TGFBRAP1: variants seen among roughly 807,000 people sequenced by gnomAD.
TGFBRAP1 encodes transforming growth factor beta receptor associated protein 1, also known as transforming growth factor-beta receptor-associated protein 1.
A neutral mutation model predicts 83.2 loss-of-function variants in TGFBRAP1; 20 were observed. The ratio of observed to expected loss-of-function variants is 0.24; its 90% CI spans 0.17 to 0.35. The LOEUF (loss-of-function observed/expected upper bound fraction) is 0.35. Ranked by LOEUF, TGFBRAP1 falls within the 10% of genes least tolerant of loss-of-function variation. The pLI is 1.00. For missense variants in TGFBRAP1, 950 were observed against 1,099.4 expected (o/e 0.86, Z 1.92); for synonymous variants, 415 against 459.8 (o/e 0.90, Z 1.25).
chr2:105,303,943 A>G (rs1272528567), intron 2 of TGFBRAP1, among the ~76,000 whole-genome samples: 1 of 152,246 alleles, frequency 6.6e-6, no homozygotes, highest in East Asian at 1.9e-4. Flanking sequence ...AAAAGAGATG[A>G]AGCAGAAAAC....
Position 105,275,551 on chromosome 2 carries a change from A to G in TGFBRAP1, c.1665+9T>C, listed in dbSNP as rs748426129. On this transcript the variant is annotated intron_variant, in intron 8 of 11. Transcript: ENST00000393359. ...AACCAAAGAGAATGCATTTTTACGAAGCACAAACCTCTTCACTTTTCTGCA... is the reference window on the plus strand; with the variant it reads ...AACCAAAGAGAATGCATTTTTACGAGGCACAAACCTCTTCACTTTTCTGCA... The G allele has an allele frequency of 1.9e-6, 3 of 1,611,530 alleles. No homozygotes were observed. The highest frequency in any genetic ancestry group is 2.5e-6 in the Non-Finnish European group (3 of 1,179,248).
At chr2:105,294,723 G>A (rs1466679574) in intron 4 of TGFBRAP1, among the ~76,000 whole-genome samples, 1 of 152,180 alleles carries the variant, frequency 6.6e-6, no homozygotes, top group African/African-American at 2.4e-5. Flanking sequence ...AGAACAAGAT[G>A]ACTAATATTT....
chr2:105,283,562 T>A (rs185937561), intron 5 of TGFBRAP1, among the ~76,000 whole-genome samples: 12 of 152,282 alleles, frequency 7.9e-5, no homozygotes, highest in African/African-American at 2.4e-4. Context: ...AGTGCCTGAG[T>A]ACGATATTTC....
At chr2:105,298,939 A>G (rs1023635832) in intron 2 of TGFBRAP1, among the ~76,000 whole-genome samples, 2 of 152,224 alleles carry the variant, frequency 1.3e-5, no homozygotes, top group African/African-American at 4.8e-5. Flanking sequence ...TTTACTTCCA[A>G]TTAAAAATGA....
At chr2:105,314,690 T>C (rs1164574194) in intron 1 of TGFBRAP1, among the ~76,000 whole-genome samples, 1 of 152,014 alleles carries the variant, frequency 6.6e-6, no homozygotes, top group African/African-American at 2.4e-5. Context: ...GTCTCATGCC[T>C]GTAATCCCAG....
chr2:105,286,291 G>C (rs565273449), intron 4 of TGFBRAP1, among the ~76,000 whole-genome samples: 1 of 152,204 alleles, frequency 6.6e-6, no homozygotes, highest in Non-Finnish European at 1.5e-5. Context: ...ATGATACAGA[G>C]AACACCGTCA....
At chr2:105,283,299 CTG>C (rs1477015829) in intron 5 of TGFBRAP1, among the ~76,000 whole-genome samples, 1 of 152,190 alleles carries the variant, frequency 6.6e-6, no homozygotes, top group Non-Finnish European at 1.5e-5. Context: ...GATTGTGTAA[CTG>C]TAATCATTTT....
In TGFBRAP1 at chr2:105,307,642, C is replaced by T. The variant is rs537787089; in HGVS notation, c.660G>A (p.Glu220=). ...GCCCTCCGGGGCCCGCCAGCAGGAACTCCTGTCTCCCTATCCTCTTGACGA... is the reference window on the plus strand; with the variant it reads ...GCCCTCCGGGGCCCGCCAGCAGGAATTCCTGTCTCCCTATCCTCTTGACGA... ...PPIVKRIGRQ[E]FLLAGPGGLG... Residue 220 remains glutamate, a synonymous_variant, in exon 2 of 12, where the codon GAG becomes GAA. Transcript: ENST00000393359. 8.7e-6 allele frequency: 14 copies of T among 1,613,228 alleles called. No homozygotes were observed. In the Middle Eastern group the frequency reaches 1.3e-3, roughly 153 times the overall value.
intron 5 of TGFBRAP1, among the ~76,000 whole-genome samples, chr2:105,282,728 G>A (rs1677582642): frequency 6.6e-6 from 1 of 151,858 alleles, no homozygotes; most frequent in African/African-American, 2.4e-5. Flanking sequence ...TCAGGGGTCT[G>A]AGGCAGGAAG....
At chr2:105,285,907 G>A (rs999088511) in intron 4 of TGFBRAP1, among the ~76,000 whole-genome samples, 5 of 152,150 alleles carry the variant, frequency 3.3e-5, no homozygotes, top group African/African-American at 1.2e-4. Context: ...ATAAGCAAAA[G>A]GGAGCAAGGC....
rs1677056406 is a variant in TGFBRAP1 at position 105,269,197 on chromosome 2, T to C, written c.2406+75A>G. Reference sequence around the variant, plus strand: ...AAAAAAGAAAAACCAACAAAGACTATTTTTCCATCAGTAAAATCTACCTTC... The same window carrying C: ...AAAAAAGAAAAACCAACAAAGACTACTTTTCCATCAGTAAAATCTACCTTC... On this transcript the variant is annotated intron_variant, in intron 11 of 11. Coordinates refer to ENST00000393359, the MANE Select transcript of TGFBRAP1 (RefSeq NM_004257.6). This position sits in a 1 kb window ranked among gnomAD's most constrained non-coding sequence, Gnocchi z 4.1. 6.9e-7 allele frequency: 1 copy of C among 1,449,994 alleles called. No individual in the cohort carries two copies. The highest frequency in any genetic ancestry group is 9.1e-7 in the Non-Finnish European group (1 of 1,094,022). 89.8% of individuals were successfully genotyped at this position (1,449,994 alleles called of 1,614,324 possible). A position where few individuals can be genotyped will look rare whatever the true frequency, so the allele number is the denominator to read the frequency against.
chr2:105,301,146 G>A (rs1573198740), intron 2 of TGFBRAP1, among the ~76,000 whole-genome samples: 3 of 152,082 alleles, frequency 2.0e-5, no homozygotes, highest in East Asian at 3.9e-4. Context: ...CACTTGAACC[G>A]GGGAGGCGGA....
At chr2:105,292,237 TC>T (rs1677939236) in intron 4 of TGFBRAP1, among the ~76,000 whole-genome samples, 1 of 152,310 alleles carries the variant, frequency 6.6e-6, no homozygotes, top group East Asian at 1.9e-4. Flanking sequence ...TGTGGAAGGC[TC>T]GATGCTCTGA....
In TGFBRAP1 at chr2:105,307,940, G is replaced by A. The variant is rs758979130; in HGVS notation, c.362C>T (p.Thr121Met). 7 of 1,614,116 alleles carry A rather than the reference G, an allele frequency of 4.3e-6. No homozygotes were observed. In the Admixed American group the frequency reaches 5.0e-5, roughly 12 times the overall value. Residue 121 changes from threonine to methionine, a missense_variant, in exon 2 of 12, where the codon ACG (threonine) becomes ATG (methionine). Thr to Met is a moderately conservative substitution (Grantham distance 81, BLOSUM62 -1). Coordinates refer to ENST00000393359, the MANE Select transcript of TGFBRAP1 (RefSeq NM_004257.6). ...CACAGGGTTCTCGTTCAGTGCAAAC[G>A]TGGCTGCCCCCTTGATGCGGGCCCC... is the stretch of plus-strand genomic sequence containing the variant. ...PSGARIKGAA[T>M]FALNENPVSG... is the part of the protein sequence containing the mutation.
At chr2:105,260,254 C>CA (rs1220611713), downstream of TGFBRAP1, among the ~76,000 whole-genome samples, 2 of 151,990 alleles carry the variant, frequency 1.3e-5, no homozygotes, top group African/African-American at 4.8e-5. Flanking sequence ...ACCACAAATA[C>CA]AAAAAATTAG....
chr2:105,284,893 T>G (rs578050089), intron 4 of TGFBRAP1, among the ~76,000 whole-genome samples: 76 of 152,300 alleles, frequency 5.0e-4, no homozygotes, highest in African/African-American at 1.7e-3. Context: ...CCAACCCACA[T>G]GAACACACCA....
chr2:105,313,908 C>G (rs2679855), intron 1 of TGFBRAP1, among the ~76,000 whole-genome samples: 42,497 of 151,856 alleles, frequency 0.28, 6,189 homozygotes, highest in South Asian at 0.34. Context: ...AGGAACAAGA[C>G]AAGAATCTGC....
chr2:105,296,582 A>T (rs1678097572), intron 3 of TGFBRAP1, 72 bp from the exon 4 acceptor site: 1 of 1,518,634 alleles, frequency 6.6e-7, no homozygotes, highest in Non-Finnish European at 8.9e-7. Context: ...TGCTTTCCCC[A>T]AACTGGATCA....
intron 2 of TGFBRAP1, among the ~76,000 whole-genome samples, chr2:105,300,262 A>G (rs565568726): frequency 1.3e-5 from 2 of 152,184 alleles, no homozygotes; most frequent in East Asian, 1.9e-4. Context: ...GTTACAAGTA[A>G]TCTTTCAATT....
Sources: allele counts gnomAD v4.1 joint callset (sites outside exome capture counted in the v4.1 genomes callset), GRCh38; gene constraint gnomAD v4.1.1; non-coding constraint Gnocchi (gnomAD v3.1); transcripts MANE v1.5; gene names NCBI Gene and HGNC (gene_info 2026-07-23, HGNC 2026-07-21).